The following TVP23C variants were observed in gnomAD, a reference collection of about 807,000 sequenced individuals.
The protein encoded by TVP23C is Golgi apparatus membrane protein TVP23 homolog C.
A neutral mutation model predicts 28.7 loss-of-function variants in TVP23C; 19 were observed. The observed-to-expected ratio is 0.66, with a 90% CI of 0.46 to 0.97. TVP23C has a LOEUF of 0.97. Among genes scored for constraint, TVP23C ranks in the 50% least tolerant of loss-of-function variants. The pLI is 0.00. For synonymous variants in TVP23C, 68 were observed against 81.7 expected (o/e 0.83, Z 0.90); for missense variants, 186 against 241.3 (o/e 0.77, Z 1.52).
intron 5 of TVP23C, among the ~76,000 whole-genome samples, chr17:15,522,540 A>C (rs1473038386): frequency 6.6e-6 from 1 of 152,222 alleles, no homozygotes; most frequent in Non-Finnish European, 1.5e-5. Context: ...CTACATGGGG[A>C]AAGATAAAAT....
In TVP23C at chr17:15,538,170, A is replaced by G. The variant is rs1219630797; in HGVS notation, c.*2242T>C. 1.2e-6 allele frequency: 2 copies of G among 1,613,530 alleles called. No individual in the cohort carries two copies. The highest frequency in any genetic ancestry group is 1.7e-6 in the Non-Finnish European group (2 of 1,179,828). On this transcript the variant is annotated 3_prime_UTR_variant, in exon 6 of 6. Coordinates refer to ENST00000518321, the MANE Select transcript of TVP23C (RefSeq NM_001135036.2). Reference sequence around the variant, plus strand: ...TCCAGTGTTCCGCAAAAGACAAAAAAAGAACTCCTTAACATCAAAGTTATT... The same window carrying G: ...TCCAGTGTTCCGCAAAAGACAAAAAGAGAACTCCTTAACATCAAAGTTATT...
chr17:15,521,643 A>G (rs1318061728), intron 5 of TVP23C, among the ~76,000 whole-genome samples: 2 of 152,268 alleles, frequency 1.3e-5, no homozygotes, highest in Non-Finnish European at 2.9e-5. Context: ...TTTATGATGG[A>G]GTTGGCATTG....
intron 5 of TVP23C, among the ~76,000 whole-genome samples, chr17:15,526,006 A>G (rs886384198): frequency 2.8e-4 from 42 of 152,240 alleles, no homozygotes; most frequent in Non-Finnish European, 5.4e-4. Flanking sequence ...CCCATGACCA[A>G]CACAGCAAGT....
chr17:15,505,262 A>G (rs1262922349), intron 5 of TVP23C, among the ~76,000 whole-genome samples: 3 of 152,204 alleles, frequency 2.0e-5, no homozygotes, highest in East Asian at 3.9e-4. Flanking sequence ...TCCAATATTC[A>G]TGGAAATCTT....
chr17:15,520,169 CTT>C (rs1460967223), intron 5 of TVP23C, among the ~76,000 whole-genome samples: 1 of 151,190 alleles, frequency 6.6e-6, no homozygotes, highest in South Asian at 2.1e-4. Flanking sequence ...CCAAAATCCT[CTT>C]TCTCTCATTT....
In TVP23C at chr17:15,539,278, A is replaced by T. The variant is rs1040147154; in HGVS notation, c.*1134T>A. 1 of 985,248 alleles carries T rather than the reference A, an allele frequency of 1.0e-6. No homozygotes were observed. Among genetic ancestry groups the T allele is most frequent in the African/African-American group, 1.7e-5 (1 of 57,208 alleles). 61.0% of individuals were successfully genotyped at this position (985,248 alleles called of 1,614,324 possible). A position where few individuals can be genotyped will look rare whatever the true frequency, so the allele number is the denominator to read the frequency against. On this transcript the variant is annotated 3_prime_UTR_variant, in exon 6 of 6. Transcript: ENST00000518321. Reference sequence around the variant, plus strand: ...CTACATAATATCACTTGCCCAACCTACTGTACTAACCAAATGCAAGGTATT... The same window carrying T: ...CTACATAATATCACTTGCCCAACCTTCTGTACTAACCAAATGCAAGGTATT...
In TVP23C at chr17:15,522,639, GA is replaced by G. The variant is rs1329397150; in HGVS notation, c.463-19408del. On this transcript the variant is annotated intron_variant, in intron 5 of 5. Transcript: ENST00000225576. ...AAAGCAGCATTTTATAACTTTAAAA[GA>G]AAATGCAGCATATCATTATTACATT... 7.2e-5 allele frequency among the ~76,000 whole-genome samples: 11 copies of G among 152,242 alleles called. No homozygotes were observed. The South Asian group carries it at 2.3e-3, about 32-fold the overall frequency.
intron 1 of TVP23C, among the ~76,000 whole-genome samples, chr17:15,557,290 G>GTTTT (rs761887271): frequency 1.6e-5 from 2 of 123,908 alleles, no homozygotes; most frequent in Admixed American, 8.9e-5. Flanking sequence ...AGAAGACAAG[G>GTTTT]TTTTTTTTTT....
chr17:15,513,896 G>C (rs995155822), intron 5 of TVP23C, among the ~76,000 whole-genome samples: 4 of 152,216 alleles, frequency 2.6e-5, no homozygotes, highest in Non-Finnish European at 4.4e-5. Flanking sequence ...TCTCAGCATA[G>C]GGCAGAAGAA....
chr17:15,511,833 C>G (rs912588623), intron 5 of TVP23C, among the ~76,000 whole-genome samples: 4 of 152,126 alleles, frequency 2.6e-5, no homozygotes, highest in African/African-American at 9.7e-5. Flanking sequence ...TAGTTTCATA[C>G]TATTTTTGAT....
At chr17:15,548,597 T>C (rs1027476753) in intron 3 of TVP23C, among the ~76,000 whole-genome samples, 19 of 152,242 alleles carry the variant, frequency 1.2e-4, no homozygotes, top group Non-Finnish European at 2.5e-4. Context: ...CAGACATTTT[T>C]CATTTTGTAC....
chr17:15,539,576 CTGGGCGACAGAGCAAGA>C lies in TVP23C; in HGVS notation c.*819_*835del, dbSNP rs1983317295. The C allele has an allele frequency of 2.2e-6, 2 of 929,060 alleles. No individual in the cohort carries two copies. The highest frequency in any genetic ancestry group is 1.3e-6 in the Non-Finnish European group (1 of 780,066). 57.6% of individuals were successfully genotyped at this position (929,060 alleles called of 1,614,324 possible). A position where few individuals can be genotyped will look rare whatever the true frequency, so the allele number is the denominator to read the frequency against. On this transcript the variant is annotated 3_prime_UTR_variant, in exon 6 of 6. Transcript: ENST00000518321. ...CGAGATCACGCCACTGCACTCCAGC[CTGGGCGACAGAGCAAGA>C]CTCCATCTCAAGAAAAAAAAAAAAA... is the stretch of plus-strand genomic sequence containing the variant.
At chr17:15,503,016 G>GAAGAGGTGGAGAACT in exon 6 of TVP23C, 1 of 1,614,160 alleles carries the variant, frequency 6.2e-7, no homozygotes, top group South Asian at 1.1e-5. Flanking sequence ...GGAGCCGCAC[G>GAAGAGGTGGAGAACT]AAGAGGTGGA....
chr17:15,541,713 T>C (rs1276609214), intron 5 of TVP23C, among the ~76,000 whole-genome samples: 1 of 152,178 alleles, frequency 6.6e-6, no homozygotes, highest in Non-Finnish European at 1.5e-5. Context: ...TACTTTCTGT[T>C]CTAAACTTAT....
Position 15,555,426 on chromosome 17 carries a change from A to C in TVP23C, c.13-62T>G, listed in dbSNP as rs546138883. On this transcript the variant is annotated intron_variant, in intron 1 of 5. Transcript: ENST00000518321. ...AATTCAGTGTTTACACAGCCACTGC[A>C]ATGCAAAGCTGCATACTCATCAAAA... 9.4e-4 allele frequency: 1,501 copies of C among 1,600,544 alleles called. 3 individuals carry two copies. Among genetic ancestry groups the C allele is most frequent in the South Asian group, 1.8e-3 (160 of 90,358 alleles).
chr17:15,551,456 T>G (rs577593083), intron 3 of TVP23C, among the ~76,000 whole-genome samples: 1 of 152,142 alleles, frequency 6.6e-6, no homozygotes, highest in East Asian at 1.9e-4. Flanking sequence ...TTTACTCAAT[T>G]TGTCAGAGTG....
intron 5 of TVP23C, among the ~76,000 whole-genome samples, chr17:15,521,229 G>A (rs867083112): frequency 5.9e-5 from 9 of 152,250 alleles, no homozygotes; most frequent in Middle Eastern, 3.4e-3. Context: ...ATCTGGCCAG[G>A]TGCGGTGGCT....
At chr17:15,525,264 G>A (rs369108325) in intron 5 of TVP23C, among the ~76,000 whole-genome samples, 7 of 152,222 alleles carry the variant, frequency 4.6e-5, no homozygotes, top group African/African-American at 1.2e-4. Context: ...ATGGGAAGGC[G>A]AATGACAAAG....
downstream of TVP23C, among the ~76,000 whole-genome samples, chr17:15,535,101 G>C (rs1009896320): frequency 6.1e-5 from 9 of 148,716 alleles, no homozygotes; most frequent in Non-Finnish European, 8.9e-5. Flanking sequence ...AATTTCTTCA[G>C]TCTTAATGAA....
Sources: gnomAD v4.1 joint callset for allele counts (sites outside exome capture counted in the v4.1 genomes callset) on GRCh38, gnomAD v4.1.1 for gene constraint, MANE v1.5 for transcripts, NCBI Gene and HGNC (gene_info 2026-07-23, HGNC 2026-07-21) for gene names.